FHAD1: variants seen among roughly 807,000 people sequenced by gnomAD.
FHAD1 encodes the protein forkhead-associated domain-containing protein 1.
Under a neutral mutation model 191.3 loss-of-function variants are expected in FHAD1, and 146 were observed. The ratio of observed to expected loss-of-function variants is 0.76; its 90% confidence interval spans 0.67 to 0.88. The LOEUF (loss-of-function observed/expected upper bound fraction) is 0.88, where lower values mean the gene tolerates loss of function less well. FHAD1 is among the 40% of genes least tolerant of loss of function. The pLI is 0.00. For synonymous variants in FHAD1, 616 were observed against 672.3 expected, an observed-to-expected ratio of 0.92 and a Z score of 1.29; for missense variants, 1,635 against 1,785.8, an observed-to-expected ratio of 0.92 and a Z score of 1.52.
chr1:15,253,283 C>T (rs1104686), intron 2 of FHAD1, among the ~76,000 whole-genome samples: 88,665 of 151,318 alleles, frequency 0.59, 26,235 homozygotes, highest in East Asian at 0.69. Context: ...AAAAAATTGT[C>T]TTACCTCTTC....
In FHAD1 at chr1:15,272,309, C is replaced by T; in HGVS notation, c.94-14C>T. Reference sequence around the variant, plus strand: ...TGTTTTCATGGCTACGACTGTCCTCCTTCTCCGTTGCAGTCTCCTGACATC... The same window carrying T: ...TGTTTTCATGGCTACGACTGTCCTCTTTCTCCGTTGCAGTCTCCTGACATC... On this transcript the variant is annotated splice_polypyrimidine_tract_variant and intron_variant, in intron 2 of 33. Coordinates refer to ENST00000688493, the MANE Select transcript of FHAD1 (RefSeq NM_001391957.1). The T allele has an allele frequency of 1.3e-6, 2 of 1,544,538 alleles. No individual in the cohort carries two copies. Among genetic ancestry groups the T allele is most frequent in the African/African-American group, 1.4e-5 (1 of 73,050 alleles).
chr1:15,270,507 G>C (rs1464757987), intron 2 of FHAD1, among the ~76,000 whole-genome samples: 2 of 152,052 alleles, frequency 1.3e-5, no homozygotes, highest in African/African-American at 4.8e-5. Flanking sequence ...ATGCAATAAA[G>C]CACTAAGCAA....
Position 15,296,682 on chromosome 1 carries a change from A to G in FHAD1, c.569-2A>G. The G allele has an allele frequency of 2.6e-6, 4 of 1,551,844 alleles. No homozygotes were observed. The highest frequency in any genetic ancestry group is 3.5e-6 in the Non-Finnish European group (4 of 1,146,736). ...GTGCTCTCTGCTGATCTCACGCCTT[A>G]GTGTGGACCAATGCCATGAAACTGT... On this transcript the variant is annotated splice_acceptor_variant, in intron 4 of 33. Transcript: ENST00000688493. LOFTEE classifies it high-confidence loss of function.
chr1:15,396,614 A>C (rs561901993), intron 33 of FHAD1, among the ~76,000 whole-genome samples: 3 of 152,044 alleles, frequency 2.0e-5, no homozygotes, highest in African/African-American at 7.2e-5. Flanking sequence ...TTCCAGACCA[A>C]CTTGACCAAC....
At chr1:15,371,093 G>A (rs962041253) in intron 26 of FHAD1, among the ~76,000 whole-genome samples, 4 of 152,230 alleles carry the variant, frequency 2.6e-5, no homozygotes, top group Admixed American at 6.5e-5. Flanking sequence ...CCACGTGGCC[G>A]TAAGCTCCGT....
At position 15,330,673 on chromosome 1, in the gene FHAD1, G is replaced by A. The variant is rs1271438744; in HGVS notation, c.1906+1132G>A. ...CATCGGAGTTGTTGCCAAAGAAAGG[G>A]GAGAGAGCATTCTGAGTACAGGAGC... On this transcript the variant is annotated intron_variant, in intron 14 of 33. Transcript: ENST00000688493. Among the ~76,000 whole-genome samples, 5 of 152,194 alleles carry A rather than the reference G, an allele frequency of 3.3e-5. No individual in the cohort carries two copies. The East Asian group carries it at 9.6e-4, about 29-fold the overall frequency.
At position 15,352,976 on chromosome 1, in the gene FHAD1, C is replaced by T; in HGVS notation, c.2554C>T (p.Gln852Ter). The change falls in exon 20 of 34, where the codon CAG (glutamine) becomes TAG (stop). Residue 852 changes from glutamine to a stop codon, truncating the protein, a stop_gained. Coordinates refer to ENST00000688493, the MANE Select transcript of FHAD1 (RefSeq NM_001391957.1). LOFTEE classifies it high-confidence loss of function. ...VQDLENRLTK[Q>*]KEELELKEQK... ...AGACCTGGAGAATCGCTTAACCAAG[C>T]AGAAAGAGGTATGAGCCGCAGGGAG... The T allele has an allele frequency of 1.3e-6, 2 of 1,550,456 alleles. No individual in the cohort carries two copies. The highest frequency in any genetic ancestry group is 1.7e-6 in the Non-Finnish European group (2 of 1,146,296).
Position 15,381,380 on chromosome 1 carries a change from C to G in FHAD1, c.3951C>G (p.Thr1317=). ...RDLDLVFDKI[T]QLKNQLGRKE... is the part of the protein sequence containing the mutation. ...TCGACCTGGTGTTTGATAAGATCAC[C>G]CAACTCAAGAACCAGCTGGGGAGGA... Residue 1317 remains threonine (T), a synonymous_variant, in exon 30 of 34, where the codon ACC becomes ACG. Coordinates refer to ENST00000688493, the MANE Select transcript of FHAD1 (RefSeq NM_001391957.1). The surrounding 1 kb of genome is among the most constrained non-coding windows in gnomAD (Gnocchi z 4.6). 1 of 1,551,670 alleles carries G rather than the reference C, an allele frequency of 6.4e-7. No homozygotes were observed. Among genetic ancestry groups the G allele is most frequent in the Non-Finnish European group, 8.7e-7 (1 of 1,147,010 alleles).
chr1:15,236,743 T>C (rs1253803178), exon 1 of FHAD1, among the ~76,000 whole-genome samples: 1 of 152,244 alleles, frequency 6.6e-6, no homozygotes, highest in East Asian at 1.9e-4. Flanking sequence ...ACTTGAGCCC[T>C]GCAGACTTTT....
At chr1:15,283,236 C>T (rs2100338914) in intron 3 of FHAD1, among the ~76,000 whole-genome samples, 1 of 152,240 alleles carries the variant, frequency 6.6e-6, no homozygotes, top group East Asian at 1.9e-4. Flanking sequence ...CACTGGTGGG[C>T]GTGTCTTATG....
At position 15,247,375 on chromosome 1, in the gene FHAD1, T is replaced by C. The variant is rs749756419; in HGVS notation, c.-35T>C. On this transcript the variant is annotated 5_prime_UTR_variant, in exon 1 of 34. Transcript: ENST00000688493. ...AGGGCTCTCGGCGGAGGTCGGAGCG[T>C]GGGCTTCCTCCTCCCGCCAGGTGAG... 12 of 225,360 alleles carry C rather than the reference T, an allele frequency of 5.3e-5. 1 individual carries two copies. The highest frequency in any genetic ancestry group is 4.3e-4 in the South Asian group (12 of 28,150). The allele number at this position is 225,360 out of a possible 1,614,324, so 14.0% of individuals were successfully genotyped here.
At chr1:15,328,186 C>G in intron 12 of FHAD1, 91 bp from the exon 13 acceptor site, 792 of 914,122 alleles carry the variant, frequency 8.7e-4, no homozygotes, top group Non-Finnish European at 1.1e-3. Context: ...TAAGTTGCAT[C>G]TCTCCCCTCT....
chr1:15,383,057 AC>A (rs111605147), intron 31 of FHAD1: 29,735 of 471,298 alleles, frequency 0.063, 3,266 homozygotes, highest in African/African-American at 0.34. Flanking sequence ...GTAGCATGGT[AC>A]AGGAGTCAGC....
chr1:15,237,345 C>A, intron 1 of FHAD1, among the ~76,000 whole-genome samples: 1 of 152,178 alleles, frequency 6.6e-6, no homozygotes, highest in East Asian at 1.9e-4. Flanking sequence ...TGCGTAGCCT[C>A]CCTCATTCCC....
At position 15,328,297 on chromosome 1, in the gene FHAD1, G is replaced by A; in HGVS notation, c.1578G>A (p.Gln526=). ...ACCAGTTAATAGAGAAAATTACCCA[G>A]GTCACTGAGGACAACATCAATTTTC... The part of the protein sequence containing the change: ...TDQQLIEKIT[Q]VTEDNINFQQ... The change falls in exon 13 of 34, where the codon CAG becomes CAA. Residue 526 remains glutamine, a synonymous_variant. Transcript: ENST00000688493. 1 of 1,502,066 alleles carries A rather than the reference G, an allele frequency of 6.7e-7. No homozygotes were observed. Among genetic ancestry groups the A allele is most frequent in the Non-Finnish European group, 8.9e-7 (1 of 1,127,390 alleles). 93.0% of individuals were successfully genotyped at this position (1,502,066 alleles called of 1,614,324 possible).
chr1:15,253,581 T>C (rs966092333), intron 2 of FHAD1, among the ~76,000 whole-genome samples: 3 of 152,216 alleles, frequency 2.0e-5, no homozygotes, highest in African/African-American at 7.2e-5. Context: ...TTGTTTGTGA[T>C]GGTAAATGGT....
chr1:15,241,933 C>T (rs756379279), intron 1 of FHAD1, among the ~76,000 whole-genome samples: 32 of 152,160 alleles, frequency 2.1e-4, no homozygotes, highest in South Asian at 6.2e-4. Context: ...ATATTATCTT[C>T]GATAAAAAGT....
intron 20 of FHAD1, among the ~76,000 whole-genome samples, chr1:15,354,404 A>C (rs1279125018): frequency 1.3e-5 from 2 of 152,184 alleles, no homozygotes; most frequent in Non-Finnish European, 2.9e-5. Flanking sequence ...AGTAACTGGC[A>C]TGTGTCCAGA....
At chr1:15,268,969 A>G (rs1654754471) in intron 2 of FHAD1, among the ~76,000 whole-genome samples, 1 of 152,124 alleles carries the variant, frequency 6.6e-6, no homozygotes, top group Non-Finnish European at 1.5e-5. Flanking sequence ...TATATTTATT[A>G]TAGAATATAA....
Sources: allele counts gnomAD v4.1 joint callset (sites outside exome capture counted in the v4.1 genomes callset), GRCh38; gene constraint gnomAD v4.1.1; non-coding constraint Gnocchi (gnomAD v3.1); transcripts MANE v1.5; gene names NCBI Gene and HGNC (gene_info 2026-07-23, HGNC 2026-07-21).